Variants in CACNA1A observed in about 807,000 individuals in gnomAD.
CACNA1A encodes the protein calcium voltage-gated channel subunit alpha1 A.
CACNA1A carries 57 observed loss-of-function variants against 262.4 expected under a neutral mutation model. The ratio of observed to expected loss-of-function variants is 0.22; its 90% confidence interval spans 0.18 to 0.27. The LOEUF (loss-of-function observed/expected upper bound fraction) is 0.27, where lower values mean the gene tolerates loss of function less well. Ranked by LOEUF, CACNA1A falls within the 10% of genes least tolerant of loss-of-function variation. The probability of loss-of-function intolerance (pLI) is 1.00; values close to 1 mark genes in which losing one functional copy is unlikely to be tolerated. For missense variants in CACNA1A, 2,526 were observed against 3,562.8 expected (o/e 0.71, Z 7.41); for synonymous variants, 1,431 against 1,419.3 (o/e 1.01, Z -0.18).
At chr19:13,467,199 G>A (rs1432266678) in intron 1 of CACNA1A, among the ~76,000 whole-genome samples, 4 of 152,132 alleles carry the variant, frequency 2.6e-5, no homozygotes, top group Non-Finnish European at 5.9e-5. Context: ...GGTTATCTCT[G>A]GGAGGTGGGA....
intron 1 of CACNA1A, among the ~76,000 whole-genome samples, chr19:13,473,485 T>C (rs1978294025): frequency 1.3e-5 from 2 of 152,222 alleles, no homozygotes; most frequent in South Asian, 4.1e-4. Flanking sequence ...CCTTCAGAAC[T>C]GGGTGACAAT....
chr19:13,325,020 TTCG>T (rs1398307679), intron 10 of CACNA1A, among the ~76,000 whole-genome samples: 2 of 150,444 alleles, frequency 1.3e-5, no homozygotes, highest in Non-Finnish European at 3.0e-5. Flanking sequence ...GTGCTTCTTC[TTCG>T]TCTTCTTCTT....
At chr19:13,314,593 C>T (rs10421396) in intron 11 of CACNA1A, among the ~76,000 whole-genome samples, 44,522 of 152,008 alleles carry the variant, frequency 0.29, 7,087 homozygotes, top group East Asian at 0.46. Context: ...GTAGCTTTCG[C>T]CAGACAGGGA....
At chr19:13,260,233 A>T (rs762174867) in intron 26 of CACNA1A, 1 of 155,658 alleles carries the variant, frequency 6.4e-6, no homozygotes, top group Non-Finnish European at 1.4e-5. Context: ...ACTGGTAACA[A>T]TATCACTATA....
chr19:13,371,649 C>A, intron 4 of CACNA1A, 39 bp downstream of exon 4: 1 of 1,477,288 alleles, frequency 6.8e-7, no homozygotes. Context: ...TCCTGGGGCC[C>A]GTGAGCAAAC....
At chr19:13,291,109 C>T (rs901164526) in intron 19 of CACNA1A, among the ~76,000 whole-genome samples, 1 of 152,098 alleles carries the variant, frequency 6.6e-6, no homozygotes, top group African/African-American at 2.4e-5. Context: ...TGCACCCCTA[C>T]CCCCTTCTCC....
intron 3 of CACNA1A, among the ~76,000 whole-genome samples, chr19:13,415,775 T>TAAAAAAAAAAAAAAAAA (rs1568623943): frequency 1.2e-5 from 1 of 83,774 alleles, no homozygotes; most frequent in Non-Finnish European, 2.5e-5. Context: ...AAAAAAAAAG[T>TAAAAAAAAAAAAAAAAA]AGATGGGGCC....
At chr19:13,477,785 A>G (rs913166215) in intron 1 of CACNA1A, among the ~76,000 whole-genome samples, 3 of 152,224 alleles carry the variant, frequency 2.0e-5, no homozygotes, top group Non-Finnish European at 2.9e-5. Flanking sequence ...ACAGTGTGAC[A>G]TGCCTTCAAC....
At chr19:13,302,691 G>A (rs1600280898) in intron 17 of CACNA1A, among the ~76,000 whole-genome samples, 1 of 152,196 alleles carries the variant, frequency 6.6e-6, no homozygotes, top group Non-Finnish European at 1.5e-5. Flanking sequence ...GGCTGGATCA[G>A]CCCTCGGCTC....
intron 11 of CACNA1A, 150 bp downstream of exon 11, chr19:13,316,962 C>G (rs1224732519): frequency 3.4e-6 from 2 of 580,080 alleles, no homozygotes; most frequent in Non-Finnish European, 6.2e-6. Context: ...GTAACATTGG[C>G]CCCAGTGACA....
At chr19:13,482,575 G>A (rs1979460849) in intron 1 of CACNA1A, among the ~76,000 whole-genome samples, 1 of 151,882 alleles carries the variant, frequency 6.6e-6, no homozygotes, top group Non-Finnish European at 1.5e-5. Context: ...ACAAAGTGAC[G>A]TGTCCACTAA....
chr19:13,385,413 A>G (rs531577055), intron 3 of CACNA1A, among the ~76,000 whole-genome samples: 6 of 152,172 alleles, frequency 3.9e-5, no homozygotes, highest in Non-Finnish European at 8.8e-5. Context: ...CATTTTTAGT[A>G]GAGACGGGGT....
chr19:13,391,189 T>C (rs992729856), intron 3 of CACNA1A, among the ~76,000 whole-genome samples: 1 of 152,148 alleles, frequency 6.6e-6, no homozygotes, highest in African/African-American at 2.4e-5. Flanking sequence ...CTGGCCCCAA[T>C]TGCATCTTTA....
At chr19:13,217,071 T>G (rs1315771962) in intron 38 of CACNA1A, among the ~76,000 whole-genome samples, 2 of 152,112 alleles carry the variant, frequency 1.3e-5, no homozygotes, top group African/African-American at 4.8e-5. Context: ...AGGTGGAGGC[T>G]GCAGTGGTGA....
rs555185100 is a variant in CACNA1A, at chr19:13,332,806, C to A, written c.1255+63G>T. ...ACCAGTCACCTGCTCTCCCCCGACTCCCCACCACAGCTTCTCCCTTCTCCC... is the reference window on the plus strand; with the variant it reads ...ACCAGTCACCTGCTCTCCCCCGACTACCCACCACAGCTTCTCCCTTCTCCC... On this transcript the variant is annotated intron_variant, in intron 9 of 46. Coordinates refer to ENST00000360228, the MANE Select transcript of CACNA1A (RefSeq NM_001127222.2). 51 of 1,108,838 alleles carry A rather than the reference C, an allele frequency of 4.6e-5. No homozygotes were observed. The South Asian group carries it at 6.3e-4, about 14-fold the overall frequency. The allele number at this position is 1,108,838 out of a possible 1,614,324, so 68.7% of individuals were successfully genotyped here.
intron 3 of CACNA1A, among the ~76,000 whole-genome samples, chr19:13,401,341 G>A (rs1396412163): frequency 1.3e-5 from 2 of 152,208 alleles, no homozygotes; most frequent in East Asian, 1.9e-4. Flanking sequence ...GGGTTTCCAT[G>A]TTCTCACTAA....
intron 44 of CACNA1A, 43 bp from the exon 45 acceptor site, chr19:13,209,541 C>T (rs1455988809): frequency 1.6e-6 from 2 of 1,260,102 alleles, no homozygotes; most frequent in African/African-American, 1.6e-5. Context: ...CAGCAGCTAG[C>T]ACCAAGTGGT....
At chr19:13,358,478 G>A (rs1310413474) in intron 6 of CACNA1A, among the ~76,000 whole-genome samples, 3 of 152,204 alleles carry the variant, frequency 2.0e-5, no homozygotes, top group Non-Finnish European at 4.4e-5. Flanking sequence ...TCTCTAGAAC[G>A]TGTGGTTATG....
At chr19:13,347,062 T>TG (rs1325716745) in intron 6 of CACNA1A, among the ~76,000 whole-genome samples, 621 of 58,538 alleles carry the variant, frequency 0.011, 14 homozygotes, top group East Asian at 0.05. Context: ...TTTTTTTGTT[T>TG]TTTTGTTTTT....
Sources: allele counts gnomAD v4.1 joint callset (sites outside exome capture counted in the v4.1 genomes callset), GRCh38; gene constraint gnomAD v4.1.1; transcripts MANE v1.5; gene names NCBI Gene and HGNC (gene_info 2026-07-23, HGNC 2026-07-21).